Variants in ROBO2 observed in about 807,000 individuals in gnomAD.
The protein encoded by ROBO2 is roundabout guidance receptor 2.
ROBO2 carries 53 observed loss-of-function variants against 160.8 expected under a neutral mutation model. That is an observed-to-expected ratio of 0.33 (90% CI 0.26 to 0.41). ROBO2 has a LOEUF of 0.41. Ranked by LOEUF, ROBO2 falls within the 10% of genes least tolerant of loss-of-function variation. The probability of loss-of-function intolerance (pLI) is 1.00; values close to 1 mark genes in which losing one functional copy is unlikely to be tolerated. For missense variants in ROBO2, 1,577 were observed against 1,722.4 expected (o/e 0.92, Z 1.49); for synonymous variants, 664 against 611.7 (o/e 1.09, Z -1.26).
intron 2 of ROBO2, among the ~76,000 whole-genome samples, chr3:76,852,581 T>C (rs2069522972): frequency 6.6e-6 from 1 of 152,162 alleles, no homozygotes; most frequent in Admixed American, 6.5e-5. Flanking sequence ...AGGAAAGAGA[T>C]GTTATGCTAC....
intron 2 of ROBO2, among the ~76,000 whole-genome samples, chr3:77,026,142 A>G (rs1363950144): frequency 6.6e-6 from 1 of 152,180 alleles, no homozygotes; most frequent in Non-Finnish European, 1.5e-5. Flanking sequence ...CTTCAATACT[A>G]TAGGTTTTTA....
intron 2 of ROBO2, among the ~76,000 whole-genome samples, chr3:76,246,336 AT>A (rs1705619196): frequency 6.6e-6 from 1 of 152,128 alleles, no homozygotes; most frequent in Non-Finnish European, 1.5e-5. Context: ...CAATTGTATC[AT>A]TTCTTGTAAT....
intron 2 of ROBO2, among the ~76,000 whole-genome samples, chr3:76,784,060 T>C (rs1434377980): frequency 1.3e-5 from 2 of 151,148 alleles, no homozygotes; most frequent in Admixed American, 1.3e-4. Context: ...GCTGAGCTTC[T>C]TTCAGATGAT....
intron 2 of ROBO2, among the ~76,000 whole-genome samples, chr3:76,669,773 A>G (rs749785733): frequency 1.8e-4 from 28 of 152,160 alleles, no homozygotes; most frequent in Non-Finnish European, 1.8e-4. Flanking sequence ...AACCATTACT[A>G]TTGCTGCTCG....
chr3:76,727,895 G>A (rs2107800431), intron 2 of ROBO2, among the ~76,000 whole-genome samples: 1 of 152,248 alleles, frequency 6.6e-6, no homozygotes, highest in Non-Finnish European at 1.5e-5. Flanking sequence ...ATAGCTGGAA[G>A]AGATGATTTG....
intron 2 of ROBO2, among the ~76,000 whole-genome samples, chr3:76,213,115 G>A (rs531872847): frequency 6.6e-6 from 1 of 152,176 alleles, no homozygotes; most frequent in Admixed American, 6.5e-5. Context: ...CAGAGGCATA[G>A]GGAAAGATGG....
At chr3:77,625,719 T>C (rs1261207383) in intron 23 of ROBO2, among the ~76,000 whole-genome samples, 1 of 152,100 alleles carries the variant, frequency 6.6e-6, no homozygotes, top group African/African-American at 2.4e-5. Flanking sequence ...TTTTGTGTGG[T>C]CTCATTAGCT....
intron 2 of ROBO2, among the ~76,000 whole-genome samples, chr3:76,075,451 G>A (rs2107990493): frequency 6.9e-6 from 1 of 145,112 alleles, no homozygotes; most frequent in East Asian, 2.0e-4. Context: ...TTTTAAAAAT[G>A]TTCTCCTGAA....
intron 1 of ROBO2, among the ~76,000 whole-genome samples, chr3:75,918,096 G>A (rs1327350448): frequency 2.6e-5 from 4 of 152,130 alleles, no homozygotes; most frequent in African/African-American, 9.7e-5. Context: ...TTTTAGTCAC[G>A]AAGTCTTTGC....
At chr3:77,194,364 T>A (rs1341450044) in intron 2 of ROBO2, among the ~76,000 whole-genome samples, 1 of 152,244 alleles carries the variant, frequency 6.6e-6, no homozygotes, top group Non-Finnish European at 1.5e-5. Context: ...AAACTTAACA[T>A]GGCTATTAGT....
At chr3:77,483,263 G>T (rs1247994618) in intron 4 of ROBO2, among the ~76,000 whole-genome samples, 1 of 150,282 alleles carries the variant, frequency 6.7e-6, no homozygotes, top group Admixed American at 6.6e-5. Context: ...AAATCCAAAA[G>T]AAAAACAAAA....
chr3:76,925,249 A>T (rs2076922845), intron 2 of ROBO2, among the ~76,000 whole-genome samples: 1 of 150,462 alleles, frequency 6.6e-6, no homozygotes, highest in African/African-American at 2.4e-5. Context: ...TGCTTTTCTA[A>T]ACCTCAATAA....
intron 2 of ROBO2, among the ~76,000 whole-genome samples, chr3:76,847,704 T>G (rs1309051767): frequency 6.6e-6 from 1 of 152,174 alleles, no homozygotes; most frequent in African/African-American, 2.4e-5. Context: ...TTTCTCAGTA[T>G]ATTTTTCTTG....
intron 2 of ROBO2, among the ~76,000 whole-genome samples, chr3:76,464,181 A>C (rs188454913): frequency 6.6e-6 from 1 of 152,240 alleles, no homozygotes; most frequent in East Asian, 1.9e-4. Context: ...AAGACTTCCT[A>C]AGGAAAGGCT....
At chr3:77,197,509 T>C (rs546928551) in intron 2 of ROBO2, among the ~76,000 whole-genome samples, 1 of 152,330 alleles carries the variant, frequency 6.6e-6, no homozygotes, top group East Asian at 1.9e-4. Context: ...TTAGGTCCTG[T>C]TGGTTCTAGT....
At chr3:76,930,127 G>A (rs910111819) in intron 2 of ROBO2, among the ~76,000 whole-genome samples, 2 of 152,016 alleles carry the variant, frequency 1.3e-5, no homozygotes, top group Non-Finnish European at 2.9e-5. Context: ...AGGTTCAAGC[G>A]ATTCTCATGA....
At chr3:76,064,252 A>G (rs2107909289) in intron 2 of ROBO2, among the ~76,000 whole-genome samples, 1 of 152,230 alleles carries the variant, frequency 6.6e-6, no homozygotes, top group Admixed American at 6.5e-5. Flanking sequence ...TTACGCTTCT[A>G]ATTTTGTTGT....
intron 2 of ROBO2, among the ~76,000 whole-genome samples, chr3:76,272,682 T>TATATATATATATTCTATATATATAAA (rs1553692897): frequency 0.034 from 3,197 of 95,340 alleles, 221 homozygotes; most frequent in South Asian, 0.071. Context: ...CACATATAAA[T>TATATATATATATTCTATATATATAAA]ATATATATAT....
At chr3:77,396,040 G>T (rs2075252620) in intron 2 of ROBO2, among the ~76,000 whole-genome samples, 1 of 150,200 alleles carries the variant, frequency 6.7e-6, no homozygotes, top group African/African-American at 2.4e-5. Flanking sequence ...ATTTTCAAAT[G>T]AGTTTTTAAA....
Sources: allele counts gnomAD v4.1 joint callset (sites outside exome capture counted in the v4.1 genomes callset), GRCh38; gene constraint gnomAD v4.1.1; transcripts MANE v1.5; gene names NCBI Gene and HGNC (gene_info 2026-07-23, HGNC 2026-07-21).